Variants in COQ8A observed in about 807,000 individuals in gnomAD.
COQ8A encodes atypical kinase COQ8A, mitochondrial.
In COQ8A, 51 loss-of-function variants were observed where a neutral mutation model predicts 65.0. The observed-to-expected ratio is 0.78, with a 90% CI of 0.63 to 0.99. The LOEUF (loss-of-function observed/expected upper bound fraction) is 0.99. Among genes scored for constraint, COQ8A ranks in the 50% least tolerant of loss-of-function variants. COQ8A has a pLI of 0.00. For missense variants in COQ8A, 940 were observed against 875.0 expected (o/e 1.07, Z -0.94); for synonymous variants, 371 against 353.2 (o/e 1.05, Z -0.57).
At chr1:226,982,362 C>G in intron 6 of COQ8A, 2 of 721,246 alleles carry the variant, frequency 2.8e-6, no homozygotes, top group South Asian at 1.9e-5. Flanking sequence ...AAAAATTGCT[C>G]TCTACAGGTG....
chr1:226,942,046 G>C (rs1337766591), intron 1 of COQ8A, among the ~76,000 whole-genome samples: 1 of 152,002 alleles, frequency 6.6e-6, no homozygotes, highest in Non-Finnish European at 1.5e-5. Context: ...AGTATCCCTG[G>C]CTTCTGTCTA....
Position 226,961,544 on chromosome 1 carries a change from G to A in COQ8A, c.159G>A (p.Met53Ile), listed in dbSNP as rs777709068. 1.2e-6 allele frequency: 2 copies of A among 1,612,594 alleles called. No individual in the cohort carries two copies. The highest frequency in any genetic ancestry group is 2.2e-5 in the South Asian group (2 of 91,054). ...LQSTAVEQIG[M>I]FLGKVQGQDK... ...CCACGGCTGTGGAGCAGATTGGCAT[G>A]TTCTTGGGGAAGGTGCAGGTAAGGG... The change falls in exon 2 of 15, where the codon ATG (methionine) becomes ATA (isoleucine). Residue 53 changes from methionine to isoleucine, a missense_variant. By Grantham distance (10) the Met-to-Ile change is conservative. Transcript: ENST00000366777.
At chr1:226,978,488 C>T (rs962491373) in intron 5 of COQ8A, among the ~76,000 whole-genome samples, 1 of 148,900 alleles carries the variant, frequency 6.7e-6, no homozygotes, top group African/African-American at 2.5e-5. Context: ...CTGCACACCT[C>T]CTTACACATC....
chr1:226,973,978 T>C (rs867376798), intron 4 of COQ8A, among the ~76,000 whole-genome samples: 1 of 152,250 alleles, frequency 6.6e-6, no homozygotes, highest in Non-Finnish European at 1.5e-5. Context: ...CAAGGAACTT[T>C]ACTTACTCAC....
At chr1:226,977,075 C>G (rs1265874752) in intron 4 of COQ8A, among the ~76,000 whole-genome samples, 2 of 152,118 alleles carry the variant, frequency 1.3e-5, no homozygotes. Flanking sequence ...CCTGTGTGGT[C>G]GGGGTGACGT....
intron 14 of COQ8A, 151 bp downstream of exon 14, chr1:226,985,491 C>T: frequency 1.2e-6 from 1 of 823,234 alleles, no homozygotes; most frequent in Non-Finnish European, 2.0e-6. Context: ...GGGGCCCACC[C>T]CGGCCCATGC....
chr1:226,981,054 G>A (rs578109453), intron 5 of COQ8A, among the ~76,000 whole-genome samples: 2 of 152,338 alleles, frequency 1.3e-5, no homozygotes, highest in South Asian at 2.1e-4. Context: ...CGACCTCTTG[G>A]GGCTTGAGAT....
At chr1:226,967,229 T>G (rs1158097279) in intron 4 of COQ8A, among the ~76,000 whole-genome samples, 1 of 152,222 alleles carries the variant, frequency 6.6e-6, no homozygotes, top group African/African-American at 2.4e-5. Flanking sequence ...GGCTTGTCAT[T>G]GGGTAACATG....
intron 1 of COQ8A, among the ~76,000 whole-genome samples, chr1:226,955,704 C>T (rs1471438932): frequency 8.0e-6 from 1 of 124,446 alleles, no homozygotes; most frequent in East Asian, 2.8e-4. Context: ...TCCCTGGCTC[C>T]CACTCCCTGG....
chr1:226,984,458 A>T, intron 11 of COQ8A, 90 bp from the exon 12 acceptor site: 1 of 1,364,526 alleles, frequency 7.3e-7, no homozygotes. Context: ...GGGTGGGTAA[A>T]ACAGGAGGCA....
At position 226,958,418 on chromosome 1, in the gene COQ8A, C is replaced by T. The variant is rs142877008; in HGVS notation, c.-9-2959C>T. Among the ~76,000 whole-genome samples the T allele has an allele frequency of 5.2e-3, 787 of 152,278 alleles. 23 individuals carry two copies. Among genetic ancestry groups the T allele is most frequent in the Admixed American group, 0.035 (540 of 15,292 alleles). ...GGTATGGGCCTGGAGTCTCACGTCCCGGCTCCAGGTCGTCGCTTCCACTCT... is the reference window on the plus strand; with the variant it reads ...GGTATGGGCCTGGAGTCTCACGTCCTGGCTCCAGGTCGTCGCTTCCACTCT... On this transcript the variant is annotated intron_variant, in intron 1 of 14. Coordinates refer to ENST00000366777, the MANE Select transcript of COQ8A (RefSeq NM_020247.5).
chr1:226,953,175 G>C (rs536941462), intron 1 of COQ8A, among the ~76,000 whole-genome samples: 1 of 152,050 alleles, frequency 6.6e-6, no homozygotes, highest in Non-Finnish European at 1.5e-5. Context: ...GATTACAGGC[G>C]CATGCCACCA....
chr1:226,940,860 G>T (rs1289454169), intron 1 of COQ8A, among the ~76,000 whole-genome samples: 5 of 152,242 alleles, frequency 3.3e-5, no homozygotes, highest in African/African-American at 9.6e-5. Context: ...GCAGGTTTGG[G>T]TGAGAACTTT....
At chr1:226,961,101 G>A (rs1421857372) in intron 1 of COQ8A, among the ~76,000 whole-genome samples, 5 of 152,196 alleles carry the variant, frequency 3.3e-5, no homozygotes, top group Non-Finnish European at 5.9e-5. Flanking sequence ...TCCGTAGGGT[G>A]CTTGTGAGGC....
rs763194902 is a variant in COQ8A at position 226,983,012 on chromosome 1, G to A, written c.1058G>A (p.Arg353His). The A allele has an allele frequency of 5.0e-6, 8 of 1,592,070 alleles. No individual in the cohort carries two copies. Among genetic ancestry groups the A allele is most frequent in the Admixed American group, 3.5e-5 (2 of 57,022 alleles). ...CACTTGGCCCGAATGAAGGGCGGCC[G>A]CGAGGTGGCCATGAAGATCCAGGTA... ...QVHLARMKGG[R>H]EVAMKIQYPG... is the part of the protein sequence containing the mutation. The change falls in exon 8 of 15, where the codon CGC (arginine) becomes CAC (histidine). Residue 353 changes from arginine (R) to histidine (H), a missense_variant. Arg to His is a conservative substitution (Grantham distance 29, BLOSUM62 0). Coordinates refer to ENST00000366777, the MANE Select transcript of COQ8A (RefSeq NM_020247.5).
chr1:226,978,726 CTCA>C (rs1659479532), intron 5 of COQ8A, among the ~76,000 whole-genome samples: 2 of 89,408 alleles, frequency 2.2e-5, no homozygotes, highest in Admixed American at 2.1e-4. Context: ...ACACACCCAC[CTCA>C]TACCTGCACA....
At chr1:226,953,396 C>T (rs1657508619) in intron 1 of COQ8A, among the ~76,000 whole-genome samples, 1 of 152,236 alleles carries the variant, frequency 6.6e-6, no homozygotes, top group Non-Finnish European at 1.5e-5. Context: ...GCTAACTAAT[C>T]TTAGGCAAGG....
At chr1:226,982,396 AT>A in intron 6 of COQ8A, 2 of 645,534 alleles carry the variant, frequency 3.1e-6, no homozygotes, top group Non-Finnish European at 5.3e-6. Flanking sequence ...TCATTTCAAC[AT>A]TTTACTATGT....
rs1658940118 is a variant in COQ8A at position 226,972,069 on chromosome 1, A to AG, written c.656-5378dup. 6.6e-6 allele frequency among the ~76,000 whole-genome samples: 1 copy of AG among 152,058 alleles called. No individual in the cohort carries two copies. The highest frequency in any genetic ancestry group is 1.5e-5 in the Non-Finnish European group (1 of 68,026). ...TTATCCTTCAGTCTTGCAGGTTTAG[A>AG]GGAGATGACTTATCTCCTCTGTACC... On this transcript the variant is annotated intron_variant, in intron 4 of 14. Coordinates refer to ENST00000366777, the MANE Select transcript of COQ8A (RefSeq NM_020247.5). This position sits in a 1 kb window ranked among gnomAD's most constrained non-coding sequence, Gnocchi z 4.3.
Sources: gnomAD v4.1 joint callset for allele counts (sites outside exome capture counted in the v4.1 genomes callset) on GRCh38, gnomAD v4.1.1 for gene constraint, Gnocchi (gnomAD v3.1) non-coding constraint, MANE v1.5 for transcripts, NCBI Gene and HGNC (gene_info 2026-07-23, HGNC 2026-07-21) for gene names.